Variants in GALNTL6 observed in about 807,000 individuals in gnomAD.
GALNTL6 encodes polypeptide N-acetylgalactosaminyltransferase-like 6.
A neutral mutation model predicts 73.7 loss-of-function variants in GALNTL6; 46 were observed. The observed-to-expected ratio is 0.62, with a 90% confidence interval of 0.49 to 0.80. The LOEUF (loss-of-function observed/expected upper bound fraction) is 0.80. GALNTL6 is among the 30% of genes least tolerant of loss of function. GALNTL6 has a pLI of 0.00. For synonymous variants in GALNTL6, 259 were observed against 263.7 expected, an observed-to-expected ratio of 0.98 and a Z score of 0.17; for missense variants, 604 against 755.0, an observed-to-expected ratio of 0.80 and a Z score of 2.34.
intron 12 of GALNTL6, among the ~76,000 whole-genome samples, chr4:173,026,951 C>G (rs74960941): frequency 1.3e-5 from 2 of 152,078 alleles, no homozygotes; most frequent in Non-Finnish European, 2.9e-5. Context: ...TTCTACATTT[C>G]GGTTTATAAT....
chr4:171,880,940 G>A (rs1444453392), intron 2 of GALNTL6, among the ~76,000 whole-genome samples: 2 of 152,016 alleles, frequency 1.3e-5, no homozygotes, highest in African/African-American at 4.8e-5. Flanking sequence ...CGAAACTAAG[G>A]CTCTTGGGCA....
intron 12 of GALNTL6, among the ~76,000 whole-genome samples, chr4:173,025,563 C>T (rs1257805822): frequency 6.6e-6 from 1 of 152,194 alleles, no homozygotes; most frequent in South Asian, 2.1e-4. Context: ...GCCCTGCTTC[C>T]TGTCTTTCCC....
intron 4 of GALNTL6, among the ~76,000 whole-genome samples, chr4:172,322,796 C>T (rs1408442392): frequency 1.3e-5 from 2 of 151,912 alleles, no homozygotes; most frequent in African/African-American, 2.4e-5. Flanking sequence ...TATAATTCTA[C>T]ATGAGATTTG....
chr4:172,865,684 G>T (rs1744627473), intron 7 of GALNTL6, among the ~76,000 whole-genome samples: 1 of 151,948 alleles, frequency 6.6e-6, no homozygotes, highest in Admixed American at 6.6e-5. Flanking sequence ...CACCTCCTCT[G>T]TCTCTGTCTC....
chr4:171,942,294 G>C (rs1399667496), intron 2 of GALNTL6, among the ~76,000 whole-genome samples: 1 of 141,148 alleles, frequency 7.1e-6, no homozygotes, highest in Admixed American at 7.3e-5. Context: ...TAAAGACAGA[G>C]AAAAATGAGG....
chr4:171,831,911 C>A (rs1208520192), intron 2 of GALNTL6, among the ~76,000 whole-genome samples: 1 of 151,382 alleles, frequency 6.6e-6, no homozygotes, highest in African/African-American at 2.4e-5. Context: ...AGGTAACTAC[C>A]CTGTTTTGGA....
chr4:172,672,654 G>GT (rs55695955), intron 5 of GALNTL6, among the ~76,000 whole-genome samples: 3 of 151,692 alleles, frequency 2.0e-5, no homozygotes, highest in Non-Finnish European at 1.5e-5. Context: ...TGGGCTTTTT[G>GT]TTTTTTTTTG....
chr4:172,206,897 A>G (rs564156140), intron 2 of GALNTL6, among the ~76,000 whole-genome samples: 8 of 140,940 alleles, frequency 5.7e-5, no homozygotes, highest in Admixed American at 4.7e-4. Flanking sequence ...CACTCACTGC[A>G]AGCTCCGCCT....
chr4:172,619,986 G>A (rs1020539445), intron 5 of GALNTL6, among the ~76,000 whole-genome samples: 4 of 152,164 alleles, frequency 2.6e-5, no homozygotes, highest in Non-Finnish European at 5.9e-5. Flanking sequence ...TTGCAAACAT[G>A]TCACATGCCT....
intron 5 of GALNTL6, among the ~76,000 whole-genome samples, chr4:172,483,966 G>A (rs1733583515): frequency 6.6e-6 from 1 of 152,144 alleles, no homozygotes; most frequent in Non-Finnish European, 1.5e-5. Context: ...TATGAGTTTA[G>A]AGCTCAGACA....
chr4:171,924,215 A>C (rs201789002), intron 2 of GALNTL6, among the ~76,000 whole-genome samples: 25 of 118,688 alleles, frequency 2.1e-4, no homozygotes, highest in African/African-American at 6.3e-4. Context: ...CACACACACA[A>C]ACACACACAC....
At chr4:171,903,898 C>T (rs1165358904) in intron 2 of GALNTL6, among the ~76,000 whole-genome samples, 27 of 150,406 alleles carry the variant, frequency 1.8e-4, no homozygotes, top group Admixed American at 1.6e-3. Flanking sequence ...ACACCTCACA[C>T]GGCCAGGTAC....
chr4:172,712,592 C>T (rs35397162), intron 5 of GALNTL6, among the ~76,000 whole-genome samples: 68,023 of 151,974 alleles, frequency 0.45, 17,679 homozygotes, highest in East Asian at 0.68. Context: ...GTGCCTTTCA[C>T]CATCCTTCCT....
At chr4:172,357,632 T>TAC (rs1261733062) in intron 5 of GALNTL6, among the ~76,000 whole-genome samples, 2 of 7,628 alleles carry the variant, frequency 2.6e-4, no homozygotes, top group African/African-American at 3.9e-4. Flanking sequence ...TATATAGATA[T>TAC]ATACACACAC....
rs190983076 is a variant in GALNTL6 at position 172,200,288 on chromosome 4, G to A, written c.139-29368G>A. 4.6e-5 allele frequency among the ~76,000 whole-genome samples: 7 copies of A among 152,222 alleles called. No individual in the cohort carries two copies. The East Asian group carries it at 1.4e-3, about 29-fold the overall frequency. On this transcript the variant is annotated intron_variant, in intron 2 of 12. Coordinates refer to ENST00000506823, the MANE Select transcript of GALNTL6 (RefSeq NM_001034845.3). ...ATTTTTCCCTTGTTAAAATACTCCA[G>A]TTTAATTATGTTTAATTTAAAGTTG...
At chr4:172,272,452 C>A (rs28489402) in intron 3 of GALNTL6, among the ~76,000 whole-genome samples, 53,165 of 152,012 alleles carry the variant, frequency 0.35, 9,355 homozygotes, top group Non-Finnish European at 0.38. Flanking sequence ...TCCTAGGTTA[C>A]AAACCTATAC....
rs143700345 is a variant in GALNTL6, at chr4:171,974,817, A to G, written c.138+160099A>G. On this transcript the variant is annotated intron_variant, in intron 2 of 12. Transcript: ENST00000506823. ...AGAATAAAAATTACGTAATTTTTGC[A>G]ATGATCATTCATTCATCATTTTTAG... is the stretch of plus-strand genomic sequence containing the variant. Among the ~76,000 whole-genome samples, 411 of 152,344 alleles carry G rather than the reference A, an allele frequency of 2.7e-3. 1 individual carries two copies. Among genetic ancestry groups the G allele is most frequent in the African/African-American group, 9.4e-3 (389 of 41,590 alleles).
At chr4:172,424,482 G>A (rs1731158566) in intron 5 of GALNTL6, among the ~76,000 whole-genome samples, 1 of 151,882 alleles carries the variant, frequency 6.6e-6, no homozygotes, top group Admixed American at 6.6e-5. Context: ...TTTTAGTGAC[G>A]GTGAGCTAAC....
intron 2 of GALNTL6, among the ~76,000 whole-genome samples, chr4:172,126,332 T>C (rs1469218377): frequency 6.6e-6 from 1 of 152,174 alleles, no homozygotes; most frequent in African/African-American, 2.4e-5. Flanking sequence ...CTTTAGACTT[T>C]CAAACTTCAA....
Sources: gnomAD v4.1 joint callset for allele counts (sites outside exome capture counted in the v4.1 genomes callset) on GRCh38, gnomAD v4.1.1 for gene constraint, MANE v1.5 for transcripts, NCBI Gene and HGNC (gene_info 2026-07-23, HGNC 2026-07-21) for gene names.